The following SLC1A2 variants were observed in gnomAD, a reference collection of about 807,000 sequenced individuals.
The protein encoded by SLC1A2 is solute carrier family 1 member 2.
A neutral mutation model predicts 48.8 loss-of-function variants in SLC1A2; 15 were observed. That is an observed-to-expected ratio of 0.31 (90% CI 0.21 to 0.47). SLC1A2 has a LOEUF of 0.47. SLC1A2 is among the 20% of genes least tolerant of loss of function. SLC1A2 has a pLI of 0.99. For missense variants in SLC1A2, 502 were observed against 730.5 expected (o/e 0.69, Z 3.61); for synonymous variants, 279 against 272.6 (o/e 1.02, Z -0.23).
rs546264918 is a variant in SLC1A2, at chr11:35,371,390, C to A, written c.17+47560G>T. Among the ~76,000 whole-genome samples, 131 of 152,312 alleles carry A rather than the reference C, an allele frequency of 8.6e-4. 1 individual carries two copies. Among genetic ancestry groups the A allele is most frequent in the African/African-American group, 3.1e-3 (127 of 41,564 alleles). ...TACTGATTGTTCTCACTCTTCATCT[C>A]CCTGCCACCATCTGTCAACTACAAT... On this transcript the variant is annotated intron_variant, in intron 1 of 10. Coordinates refer to ENST00000278379, the MANE Select transcript of SLC1A2 (RefSeq NM_004171.4).
chr11:35,401,902 T>C (rs994801760), intron 1 of SLC1A2, among the ~76,000 whole-genome samples: 7 of 152,178 alleles, frequency 4.6e-5, no homozygotes, highest in African/African-American at 1.4e-4. Flanking sequence ...GGGCCCTCTA[T>C]GATGCTCCTG....
Position 35,280,895 on chromosome 11 carries a change from T to C in SLC1A2, c.1393A>G (p.Ser465Gly), listed in dbSNP as rs1410311488. 7 of 1,612,518 alleles carry C rather than the reference T, an allele frequency of 4.3e-6. No homozygotes were observed. In the East Asian group the frequency reaches 1.6e-4, roughly 36 times the overall value. Reference sequence around the variant, plus strand: ...AGCCAGTCCACAGCCACCAGCAGGCTGATGTCCTCTGTTGGCAGGCCCACG... The same window carrying C: ...AGCCAGTCCACAGCCACCAGCAGGCCGATGTCCTCTGTTGGCAGGCCCACG... ...TAVGLPTEDISLLVAVDWLLD... is the reference protein window; with the variant it reads ...TAVGLPTEDIGLLVAVDWLLD... The change falls in exon 9 of 11, where the codon AGC becomes GGC. Residue 465 changes from serine (S) to glycine (G), a missense_variant. Physicochemically the swap from Ser to Gly is moderately conservative, Grantham distance 56. Transcript: ENST00000278379.
intron 1 of SLC1A2, among the ~76,000 whole-genome samples, chr11:35,401,480 A>AG (rs1855138802): frequency 6.6e-6 from 1 of 152,172 alleles, no homozygotes; most frequent in Non-Finnish European, 1.5e-5. Flanking sequence ...GCTGTACCTG[A>AG]ATTCCAAAGG....
rs1355939675 is a variant in SLC1A2 at position 35,398,671 on chromosome 11, T to G, written c.17+20279A>C. Among the ~76,000 whole-genome samples the G allele has an allele frequency of 2.0e-5, 3 of 151,996 alleles. No homozygotes were observed. In the East Asian group the frequency reaches 5.8e-4, roughly 29 times the overall value. ...TACCCCTTGGACCTAAAATAAAAGT[T>G]GGAAAGAAAAAAATATATATGGCCT... On this transcript the variant is annotated intron_variant, in intron 1 of 10. Coordinates refer to ENST00000278379, the MANE Select transcript of SLC1A2 (RefSeq NM_004171.4).
At position 35,280,852 on chromosome 11, in the gene SLC1A2, T is replaced by C; in HGVS notation, c.1421+15A>G. On this transcript the variant is annotated intron_variant, in intron 9 of 10. Transcript: ENST00000278379. ...TACTCACAGTCCCAGCAGAACCCCA[T>C]CCACAGACACTTACAGCAGCCAGTC... 1 of 1,582,098 alleles carries C rather than the reference T, an allele frequency of 6.3e-7. No homozygotes were observed. Among genetic ancestry groups the C allele is most frequent in the Non-Finnish European group, 8.6e-7 (1 of 1,159,862 alleles).
In SLC1A2 at chr11:35,315,073, C is replaced by T; in HGVS notation, c.260G>A (p.Arg87Lys). The T allele has an allele frequency of 6.2e-7, 1 of 1,613,168 alleles. No individual in the cohort carries two copies. The highest frequency in any genetic ancestry group is 8.5e-7 in the Non-Finnish European group (1 of 1,179,218). The change falls in exon 3 of 11, where the codon AGG (arginine) becomes AAG (lysine). Residue 87 changes from arginine (R) to lysine (K), a missense_variant. Arg to Lys is a conservative substitution (Grantham distance 26, BLOSUM62 2). This residue lies in a region of SLC1A2 where 89 missense variants were observed against 119.7 expected (regional missense o/e 0.74). Coordinates refer to ENST00000278379, the MANE Select transcript of SLC1A2 (RefSeq NM_004171.4). ...LIAFPGDILM[R>K]MLKMLILPLI... ...AGGGAGAATGAGCATTTTTAGCATC[C>T]TCATGAGTATATCCCCTGGGAAGGC...
intron 9 of SLC1A2, among the ~76,000 whole-genome samples, chr11:35,268,364 A>G (rs1302137404): frequency 6.6e-6 from 1 of 152,166 alleles, no homozygotes; most frequent in Non-Finnish European, 1.5e-5. Flanking sequence ...AATTTATATC[A>G]CACTTACTAT....
rs1209833785 is a variant in SLC1A2, at chr11:35,265,603, A to G, written c.1577T>C (p.Met526Thr). The change falls in exon 10 of 11, where the codon ATG becomes ACG. Residue 526 changes from methionine to threonine, a missense_variant. Transcript: ENST00000278379. ...MTKTQSIYDD[M>T]KNHRESNSNQ... ...AGAGTTGCTTTCCCTGTGGTTCTTCATGTCATCATAAATGGATTGAGTCTT... is the reference window on the plus strand; with the variant it reads ...AGAGTTGCTTTCCCTGTGGTTCTTCGTGTCATCATAAATGGATTGAGTCTT... The G allele has an allele frequency of 6.2e-7, 1 of 1,612,984 alleles. No individual in the cohort carries two copies. The highest frequency in any genetic ancestry group is 1.7e-5 in the Admixed American group (1 of 60,020).
intron 1 of SLC1A2, chr11:35,404,417 C>G (rs1360758318): frequency 1.3e-5 from 2 of 152,372 alleles, no homozygotes; most frequent in Admixed American, 6.5e-5. Flanking sequence ...GACCCAGGAC[C>G]CGCTGGTGAA....
chr11:35,294,955 G>C lies in SLC1A2; in HGVS notation c.858-2435C>G, dbSNP rs919194892. 2.9e-4 allele frequency among the ~76,000 whole-genome samples: 44 copies of C among 152,342 alleles called. No individual in the cohort carries two copies. The Middle Eastern group carries it at 0.01, about 35-fold the overall frequency. ...ACACCTTGATCTCTGGGAATAGGAT[G>C]AGCATTAAGTAGAAGAAGGTAAGAA... On this transcript the variant is annotated intron_variant, in intron 6 of 10. Coordinates refer to ENST00000278379, the MANE Select transcript of SLC1A2 (RefSeq NM_004171.4).
intron 1 of SLC1A2, chr11:35,323,292 C>T (rs1261843921): frequency 6.3e-6 from 1 of 158,296 alleles, no homozygotes; most frequent in Non-Finnish European, 1.4e-5. Context: ...AGTCTGTGTT[C>T]TAATTCCAGG....
chr11:35,374,473 A>G (rs1854157261), intron 1 of SLC1A2: 1 of 316,438 alleles, frequency 3.2e-6, no homozygotes, highest in Non-Finnish European at 6.5e-6. Flanking sequence ...CCCCAAATTT[A>G]AAGAACGAGT....
At chr11:35,415,010 T>C (rs889996893) in intron 1 of SLC1A2, among the ~76,000 whole-genome samples, 2 of 152,190 alleles carry the variant, frequency 1.3e-5, no homozygotes, top group African/African-American at 2.4e-5. Context: ...AGGATTTACA[T>C]TGAAATCACT....
chr11:35,369,696 A>G (rs1003947458), intron 1 of SLC1A2, among the ~76,000 whole-genome samples: 8 of 152,208 alleles, frequency 5.3e-5, no homozygotes, highest in Non-Finnish European at 8.8e-5. Flanking sequence ...CTGAATTTTT[A>G]TTGACTGCCT....
intron 1 of SLC1A2, among the ~76,000 whole-genome samples, chr11:35,354,856 G>A (rs1048170163): frequency 6.6e-6 from 1 of 152,122 alleles, no homozygotes. Context: ...CAGAAGCCTG[G>A]CCTAGCCCCA....
intron 1 of SLC1A2, among the ~76,000 whole-genome samples, chr11:35,407,532 T>C (rs922047491): frequency 2.0e-5 from 3 of 152,236 alleles, no homozygotes; most frequent in Non-Finnish European, 2.9e-5. Context: ...CATCTACCTC[T>C]TGACTACCAT....
chr11:35,336,704 A>G (rs945883380), intron 1 of SLC1A2, among the ~76,000 whole-genome samples: 2 of 152,234 alleles, frequency 1.3e-5, no homozygotes, highest in African/African-American at 2.4e-5. Flanking sequence ...CCAAGACTTT[A>G]GTTTGTAGGA....
rs964135912 is a variant in SLC1A2 at position 35,256,301 on chromosome 11, C to A, written c.*4593G>T. ...CTCTGTTATCTATTTTAAAACCAAG[C>A]CTCACACTAACTTGTGTGATGGCTT... On this transcript the variant is annotated 3_prime_UTR_variant, in exon 11 of 11. Transcript: ENST00000278379. The A allele has an allele frequency of 4.6e-5, 7 of 152,196 alleles. No homozygotes were observed. Among genetic ancestry groups the A allele is most frequent in the African/African-American group, 1.7e-4 (7 of 41,452 alleles). 9.4% of individuals were successfully genotyped at this position (152,196 alleles called of 1,614,324 possible).
Position 35,251,929 on chromosome 11 carries a change from T to C in SLC1A2, c.*8965A>G, listed in dbSNP as rs1223061959. On this transcript the variant is annotated 3_prime_UTR_variant, in exon 11 of 11. Coordinates refer to ENST00000278379, the MANE Select transcript of SLC1A2 (RefSeq NM_004171.4). ...TTTAGCGATAATTATACAGAATGTG[T>C]GTTTTAGGAGGCAACTGTAAACTTG... 6.6e-6 allele frequency: 1 copy of C among 152,620 alleles called. No individual in the cohort carries two copies. Among genetic ancestry groups the C allele is most frequent in the African/African-American group, 2.4e-5 (1 of 41,454 alleles). The allele number at this position is 152,620 out of a possible 1,614,324, so 9.5% of individuals were successfully genotyped here.
Sources: gnomAD v4.1 joint callset for allele counts (sites outside exome capture counted in the v4.1 genomes callset) on GRCh38, gnomAD v4.1.1 for gene constraint, gnomAD v4.1.1 regional missense constraint, MANE v1.5 for transcripts, NCBI Gene and HGNC (gene_info 2026-07-23, HGNC 2026-07-21) for gene names.